The following AR variants were observed in gnomAD, a reference collection of about 807,000 sequenced individuals.
AR encodes the protein androgen receptor, also known as dihydrotestosterone receptor.
In AR, 8 loss-of-function variants were observed where a neutral mutation model predicts 53.9. The ratio of observed to expected loss-of-function variants is 0.15; its 90% CI spans 0.09 to 0.27. The LOEUF (loss-of-function observed/expected upper bound fraction) is 0.27. Ranked by LOEUF, AR falls within the 10% of genes least tolerant of loss-of-function variation. The pLI is 1.00. For missense variants in AR, 639 were observed against 742.5 expected, an observed-to-expected ratio of 0.86 and a Z score of 1.62; for synonymous variants, 359 against 316.4, an observed-to-expected ratio of 1.13 and a Z score of -1.43.
chrX:67,557,770 TTTTG>T (rs1220032779), intron 1 of AR, among the ~76,000 whole-genome samples: 1 of 111,911 alleles, frequency 8.9e-6, no homozygotes, highest in African/African-American at 3.3e-5. Flanking sequence ...TGTTATTGTT[TTTTG>T]TTTGTTTCTT....
At chrX:67,575,313 T>A (rs763858720) in intron 1 of AR, among the ~76,000 whole-genome samples, 1 of 111,794 alleles carries the variant, frequency 8.9e-6, no homozygotes, top group South Asian at 3.8e-4. Flanking sequence ...TTAAAAGTGA[T>A]GTTTGTTTTT....
At chrX:67,673,658 T>C (rs1242823596) in intron 2 of AR, among the ~76,000 whole-genome samples, 1 of 110,821 alleles carries the variant, frequency 9.0e-6, no homozygotes, top group Non-Finnish European at 1.9e-5. Context: ...CATCTCTTTG[T>C]TAAATATATC....
chrX:67,730,469 G>A lies in AR; in HGVS notation c.*6628G>A, dbSNP rs2076175210. ...AATGTCATCCATTGTGTAAAATATT[G>A]GCTTACTGGTCTGCCAGCTAAAACT... On this transcript the variant is annotated 3_prime_UTR_variant, in exon 8 of 8. Transcript: ENST00000374690. 2.3e-5 allele frequency: 4 copies of A among 172,036 alleles called. No homozygotes were observed. In the East Asian group the frequency reaches 2.5e-4, roughly 11 times the overall value. 14.2% of individuals were successfully genotyped at this position (172,036 alleles called of 1,213,427 possible). A position where few individuals can be genotyped will look rare whatever the true frequency, so the allele number is the denominator to read the frequency against.
At chrX:67,628,511 GC>G (rs1924836461) in intron 1 of AR, among the ~76,000 whole-genome samples, 1 of 108,392 alleles carries the variant, frequency 9.2e-6, no homozygotes, top group South Asian at 4.2e-4. Context: ...TGCTGAAGTT[GC>G]TTATCAGCTT....
At chrX:67,659,268 C>A (rs1459644834) in intron 2 of AR, among the ~76,000 whole-genome samples, 2 of 109,939 alleles carry the variant, frequency 1.8e-5, no homozygotes, top group African/African-American at 6.6e-5. Flanking sequence ...GCACAACATG[C>A]AGGTTTGTTA....
intron 1 of AR, among the ~76,000 whole-genome samples, chrX:67,574,694 G>A (rs1921971947): frequency 9.0e-6 from 1 of 111,484 alleles, no homozygotes; most frequent in South Asian, 3.8e-4. Context: ...TTGCTCCTTA[G>A]GCTTTAGAAG....
chrX:67,549,349 A>G (rs758709617), intron 1 of AR, among the ~76,000 whole-genome samples: 1 of 111,597 alleles, frequency 9.0e-6, no homozygotes, highest in Non-Finnish European at 1.9e-5. Context: ...TTATGTACAT[A>G]ATTTTGTGGA....
chrX:67,660,741 T>C (rs1926857040), intron 2 of AR, among the ~76,000 whole-genome samples: 1 of 111,880 alleles, frequency 8.9e-6, no homozygotes, highest in Non-Finnish European at 1.9e-5. Context: ...TTTTTTCCAT[T>C]TCTGTGAAGA....
chrX:67,670,616 A>G (rs1307195464), intron 2 of AR, among the ~76,000 whole-genome samples: 1 of 109,150 alleles, frequency 9.2e-6, no homozygotes, highest in Admixed American at 1.0e-4. Flanking sequence ...ATGTTTATAT[A>G]CTTTAAGTTC....
chrX:67,707,107 A>T (rs2076071670), intron 3 of AR, among the ~76,000 whole-genome samples: 1 of 111,990 alleles, frequency 8.9e-6, no homozygotes, highest in Non-Finnish European at 1.9e-5. Flanking sequence ...TGTGGTGCTG[A>T]GAAGAATGTA....
At chrX:67,691,775 A>C (rs754314612) in intron 3 of AR, among the ~76,000 whole-genome samples, 7 of 111,743 alleles carry the variant, frequency 6.3e-5, no homozygotes, top group Non-Finnish European at 1.3e-4. Context: ...AGATTATGCT[A>C]TTATGCTATT....
In AR at chrX:67,676,607, TG is replaced by T. The variant is rs903398937; in HGVS notation, c.1769-9401del. Among the ~76,000 whole-genome samples, 14 of 111,759 alleles carry T rather than the reference TG, an allele frequency of 1.3e-4. No individual in the cohort carries two copies. In the South Asian group the frequency reaches 2.3e-3, roughly 18 times the overall value. ...TTACTAAAAGCCTGTGCAGGGTTTA[TG>T]GCAAAAGTAAAACTTGCTCCAGGAG... is the stretch of plus-strand genomic sequence containing the variant. On this transcript the variant is annotated intron_variant, in intron 2 of 7. Transcript: ENST00000374690.
chrX:67,580,421 A>G (rs753823805), intron 1 of AR, among the ~76,000 whole-genome samples: 1 of 112,118 alleles, frequency 8.9e-6, no homozygotes, highest in Admixed American at 9.5e-5. Flanking sequence ...AAGAATAGCT[A>G]TGATTATTAC....
In AR at chrX:67,707,459, A is replaced by G. The variant is rs1031710574; in HGVS notation, c.1886-3943A>G. On this transcript the variant is annotated intron_variant, in intron 3 of 7. Transcript: ENST00000374690. ...CTGTTTTATCAGAGACTAGCATTGC[A>G]ATCCCTGCCTCTTTTGGTTTTCCAT... Among the ~76,000 whole-genome samples, 3 of 111,413 alleles carry G rather than the reference A, an allele frequency of 2.7e-5. No homozygotes were observed. The Admixed American group carries it at 2.9e-4, about 11-fold the overall frequency.
rs760580125 is a variant in AR at position 67,546,514 on chromosome X, T to TGGTGGGGGTGGTGGCGGC, written c.1370_1371insTGGGGGTGGTGGCGGCGG (p.Gly468_Gly473dup). 1 of 509,498 alleles carries TGGTGGGGGTGGTGGCGGC rather than the reference T, an allele frequency of 2.0e-6. No individual in the cohort carries two copies. The highest frequency in any genetic ancestry group is 3.0e-5 in the African/African-American group (1 of 33,455). 42.0% of individuals were successfully genotyped at this position (509,498 alleles called of 1,213,427 possible). On this transcript the variant is annotated inframe_insertion, in exon 1 of 8. Coordinates refer to ENST00000374690, the MANE Select transcript of AR (RefSeq NM_000044.6). ...GACCGTGTGGTGGTGGTGGGGGTGG[T>TGGTGGGGGTGGTGGCGGC]GGCGGCGGCGGCGGCGGCGGCGGCG...
chrX:67,642,728 T>C (rs1925849649), intron 1 of AR, among the ~76,000 whole-genome samples: 1 of 111,918 alleles, frequency 8.9e-6, no homozygotes, highest in East Asian at 2.8e-4. Flanking sequence ...ATTTTATCCA[T>C]TATCTGATTT....
intron 1 of AR, among the ~76,000 whole-genome samples, chrX:67,593,476 C>T (rs1352646546): frequency 5.5e-5 from 6 of 109,600 alleles, no homozygotes; most frequent in Non-Finnish European, 1.1e-4. Flanking sequence ...ATTCCCTTGC[C>T]TCAGACTCCC....
chrX:67,701,030 C>T (rs113651505), intron 3 of AR, among the ~76,000 whole-genome samples: 2 of 111,128 alleles, frequency 1.8e-5, no homozygotes, highest in Non-Finnish European at 3.8e-5. Flanking sequence ...GAACAGTGTA[C>T]ATTCACAGCA....
At chrX:67,575,073 G>A (rs1921989550) in intron 1 of AR, among the ~76,000 whole-genome samples, 1 of 111,391 alleles carries the variant, frequency 9.0e-6, no homozygotes, top group African/African-American at 3.3e-5. Flanking sequence ...AATGTATGTA[G>A]AGGAGACAAG....
Sources: allele counts gnomAD v4.1 joint callset (sites outside exome capture counted in the v4.1 genomes callset), GRCh38; gene constraint gnomAD v4.1.1; transcripts MANE v1.5; gene names NCBI Gene and HGNC (gene_info 2026-07-23, HGNC 2026-07-21).